SLC39A12: variants seen among roughly 807,000 people sequenced by gnomAD.
SLC39A12 encodes the protein zinc transporter ZIP12.
In SLC39A12, 63 loss-of-function variants were observed where a neutral mutation model predicts 71.1. The observed-to-expected ratio is 0.89, with a 90% CI of 0.72 to 1.09. The LOEUF (loss-of-function observed/expected upper bound fraction) is 1.09. Ranked by LOEUF, SLC39A12 falls within the 50% of genes least tolerant of loss-of-function variation. The probability of loss-of-function intolerance (pLI) is 0.00; values close to 1 mark genes in which losing one functional copy is unlikely to be tolerated. For synonymous variants in SLC39A12, 351 were observed against 301.3 expected (o/e 1.16, Z -1.71); for missense variants, 892 against 812.6 (o/e 1.10, Z -1.19).
chr10:18,003,572 G>A (rs549884665), intron 12 of SLC39A12, among the ~76,000 whole-genome samples: 12 of 152,270 alleles, frequency 7.9e-5, no homozygotes, highest in Admixed American at 7.8e-4. Context: ...TTTCTGTAGT[G>A]TTAAAGTGAC....
At position 18,017,891 on chromosome 10, in the gene SLC39A12, T is replaced by C. The variant is rs377621614; in HGVS notation, c.1947+14533T>C. Among the ~76,000 whole-genome samples the C allele has an allele frequency of 1.7e-4, 26 of 152,332 alleles. No homozygotes were observed. In the East Asian group the frequency reaches 2.5e-3, roughly 15 times the overall value. On this transcript the variant is annotated intron_variant, in intron 12 of 12. Coordinates refer to ENST00000377369, the MANE Select transcript of SLC39A12 (RefSeq NM_001145195.2). ...TGGATTTCTTCCACTCCATGTGAAC[T>C]TTAATATCAGTTTGTTGATACCCAT...
In SLC39A12 at chr10:18,036,786, ATATATATAT is replaced by A. The variant is rs1472782856; in HGVS notation, c.1948-5917_1948-5909del. On this transcript the variant is annotated intron_variant, in intron 12 of 12. Coordinates refer to ENST00000377369, the MANE Select transcript of SLC39A12 (RefSeq NM_001145195.2). Reference sequence around the variant, plus strand: ...TATATATATATATATATATATATATATATATATATTTTTTTTTTTAATGGAATCTCACTC... The same window carrying A: ...TATATATATATATATATATATATATATTTTTTTTTTAATGGAATCTCACTC... 3.2e-4 allele frequency among the ~76,000 whole-genome samples: 3 copies of A among 9,460 alleles called. 1 individual carries two copies. The East Asian group carries it at 5.8e-3, about 18-fold the overall frequency. The allele number at this position is 9,460 out of a possible 152,430, so 6.2% of individuals were successfully genotyped here. A position where few individuals can be genotyped will look rare whatever the true frequency, so the allele number is the denominator to read the frequency against.
In SLC39A12 at chr10:18,001,608, G is replaced by T. The variant is rs898034810; in HGVS notation, c.1759+783G>T. On this transcript the variant is annotated intron_variant, in intron 11 of 12. Transcript: ENST00000377369. ...TTAAAGCCAAGCCTAGCATTGAAAT[G>T]ACAGGTGTGTGGTGGCAGATTCTCA... Among the ~76,000 whole-genome samples the T allele has an allele frequency of 3.3e-5, 5 of 152,224 alleles. No individual in the cohort carries two copies. In the South Asian group the frequency reaches 8.3e-4, roughly 25 times the overall value.
At chr10:17,977,834 A>T in intron 4 of SLC39A12, 68 bp from the exon 5 acceptor site, 1 of 1,131,998 alleles carries the variant, frequency 8.8e-7, no homozygotes, top group East Asian at 2.7e-5. Context: ...TGCTGTAGCT[A>T]TGTGAAATTG....
At chr10:18,006,734 A>G (rs978602387) in intron 12 of SLC39A12, among the ~76,000 whole-genome samples, 1 of 152,206 alleles carries the variant, frequency 6.6e-6, no homozygotes, top group African/African-American at 2.4e-5. Context: ...CCTGTGTTCA[A>G]CACTGGCCCT....
intron 11 of SLC39A12, among the ~76,000 whole-genome samples, chr10:18,001,631 T>G (rs1835836720): frequency 6.6e-6 from 1 of 152,216 alleles, no homozygotes; most frequent in Non-Finnish European, 1.5e-5. Context: ...TGGCAGATTC[T>G]CATAAATCTC....
At chr10:18,006,256 A>G (rs1836013607) in intron 12 of SLC39A12, among the ~76,000 whole-genome samples, 1 of 152,260 alleles carries the variant, frequency 6.6e-6, no homozygotes, top group South Asian at 2.1e-4. Context: ...AACTAGAGAC[A>G]TAAATGAGGC....
At chr10:18,024,495 T>C (rs1836620924) in intron 12 of SLC39A12, among the ~76,000 whole-genome samples, 1 of 152,164 alleles carries the variant, frequency 6.6e-6, no homozygotes, top group Non-Finnish European at 1.5e-5. Flanking sequence ...CCGTCCCTAG[T>C]GGGCAGCTAT....
rs775535269 is a variant in SLC39A12 at position 18,042,692 on chromosome 10, A to G, written c.1948-13A>G. The G allele has an allele frequency of 4.4e-6, 7 of 1,597,672 alleles. No individual in the cohort carries two copies. In the Admixed American group the frequency reaches 5.3e-5, roughly 12 times the overall value. Reference sequence around the variant, plus strand: ...TATCTGGATCTTATTCTGGTTTTTTATTCTTTTTTTAGCTTCCTGAAATGA... The same window carrying G: ...TATCTGGATCTTATTCTGGTTTTTTGTTCTTTTTTTAGCTTCCTGAAATGA... On this transcript the variant is annotated splice_polypyrimidine_tract_variant and intron_variant, in intron 12 of 12. Coordinates refer to ENST00000377369, the MANE Select transcript of SLC39A12 (RefSeq NM_001145195.2).
rs370348066 is a variant in SLC39A12 at position 18,031,215 on chromosome 10, C to A, written c.1948-11490C>A. Reference sequence around the variant, plus strand: ...ATTTCTAGTTCTAGATCCCTGAGGACTCGCCACACTGACTTCCACAATGGT... The same window carrying A: ...ATTTCTAGTTCTAGATCCCTGAGGAATCGCCACACTGACTTCCACAATGGT... On this transcript the variant is annotated intron_variant, in intron 12 of 12. Coordinates refer to ENST00000377369, the MANE Select transcript of SLC39A12 (RefSeq NM_001145195.2). Among the ~76,000 whole-genome samples the A allele has an allele frequency of 4.8e-5, 7 of 146,972 alleles. No homozygotes were observed. In the East Asian group the frequency reaches 6.0e-4, roughly 13 times the overall value.
chr10:18,038,599 C>T (rs1325148854), intron 12 of SLC39A12, among the ~76,000 whole-genome samples: 1 of 151,988 alleles, frequency 6.6e-6, no homozygotes, highest in Non-Finnish European at 1.5e-5. Flanking sequence ...TTGCAGTGAG[C>T]TGAGATCATG....
intron 2 of SLC39A12, among the ~76,000 whole-genome samples, chr10:17,959,732 A>G (rs1190152732): frequency 6.6e-6 from 1 of 152,184 alleles, no homozygotes; most frequent in Non-Finnish European, 1.5e-5. Context: ...CTTCTGGTCC[A>G]CAATTCCTGT....
At chr10:18,028,906 G>C (rs1022149372) in intron 12 of SLC39A12, among the ~76,000 whole-genome samples, 8 of 152,084 alleles carry the variant, frequency 5.3e-5, no homozygotes, top group Non-Finnish European at 1.0e-4. Flanking sequence ...TTTTAATAGA[G>C]ACGAGGTTTC....
At chr10:17,985,034 T>C (rs1172121246) in intron 6 of SLC39A12, among the ~76,000 whole-genome samples, 2 of 152,200 alleles carry the variant, frequency 1.3e-5, no homozygotes, top group African/African-American at 4.8e-5. Flanking sequence ...TATTTTTCTG[T>C]TACCAGTTAT....
intron 7 of SLC39A12, among the ~76,000 whole-genome samples, chr10:17,988,471 G>A (rs2497840): frequency 0.23 from 35,142 of 152,072 alleles, 5,028 homozygotes; most frequent in Admixed American, 0.36. Flanking sequence ...CATATCAGAA[G>A]CAAATGCTGA....
At chr10:17,992,551 G>A (rs1017890017) in intron 8 of SLC39A12, among the ~76,000 whole-genome samples, 3 of 151,998 alleles carry the variant, frequency 2.0e-5, no homozygotes, top group African/African-American at 4.8e-5. Flanking sequence ...ATCCCAAGAA[G>A]CATTAAAAAA....
At chr10:18,010,028 T>C (rs1242571706) in intron 12 of SLC39A12, among the ~76,000 whole-genome samples, 1 of 152,202 alleles carries the variant, frequency 6.6e-6, no homozygotes, top group Non-Finnish European at 1.5e-5. Flanking sequence ...CATATAACTA[T>C]AAAATTAAAC....
intron 6 of SLC39A12, among the ~76,000 whole-genome samples, chr10:17,982,150 C>T (rs1447418315): frequency 6.6e-6 from 1 of 152,178 alleles, no homozygotes; most frequent in Non-Finnish European, 1.5e-5. Flanking sequence ...GAGCTACCAG[C>T]CTCCCAGATG....
At chr10:17,953,903 T>C (rs1160911496) in intron 2 of SLC39A12, among the ~76,000 whole-genome samples, 4 of 152,260 alleles carry the variant, frequency 2.6e-5, no homozygotes, top group African/African-American at 4.8e-5. Flanking sequence ...ATTTGTTTGC[T>C]GGAGCATAAT....
Sources: allele counts gnomAD v4.1 joint callset (sites outside exome capture counted in the v4.1 genomes callset), GRCh38; gene constraint gnomAD v4.1.1; transcripts MANE v1.5; gene names NCBI Gene and HGNC (gene_info 2026-07-23, HGNC 2026-07-21).